Variants in HMCN1 observed in about 807,000 individuals in gnomAD.
The protein encoded by HMCN1 is hemicentin-1.
Under a neutral mutation model 625.9 loss-of-function variants are expected in HMCN1, and 321 were observed. The observed-to-expected ratio is 0.51, with a 90% confidence interval of 0.47 to 0.56. HMCN1 has a LOEUF of 0.56. HMCN1 is among the 20% of genes least tolerant of loss of function. HMCN1 has a pLI of 0.00. For missense variants in HMCN1, 6,588 were observed against 6,887.3 expected (o/e 0.96, Z 1.54); for synonymous variants, 2,425 against 2,417.6 (o/e 1.00, Z -0.09).
chr1:185,824,730 A>C (rs1660404371), intron 1 of HMCN1, among the ~76,000 whole-genome samples: 1 of 152,322 alleles, frequency 6.6e-6, no homozygotes, highest in South Asian at 2.1e-4. Context: ...TTACAGATAA[A>C]GAAACTGAGG....
intron 2 of HMCN1, among the ~76,000 whole-genome samples, chr1:185,862,831 A>G (rs1177340117): frequency 1.3e-5 from 2 of 152,168 alleles, no homozygotes; most frequent in African/African-American, 4.8e-5. Context: ...GCCCCATGCA[A>G]TTAAGAAAGT....
At chr1:186,093,895 T>C (rs538949868) in intron 66 of HMCN1, among the ~76,000 whole-genome samples, 3 of 152,238 alleles carry the variant, frequency 2.0e-5, no homozygotes, top group Admixed American at 6.6e-5. Flanking sequence ...AAATGGTCTT[T>C]TATAGACAGG....
intron 100 of HMCN1, among the ~76,000 whole-genome samples, chr1:186,168,549 C>CA (rs11458695): frequency 0.38 from 57,559 of 151,504 alleles, 11,602 homozygotes; most frequent in African/African-American, 0.5. Flanking sequence ...AAATAGAAAA[C>CA]AGTACACAAT....
At chr1:185,926,653 C>A (rs1667292673) in intron 9 of HMCN1, among the ~76,000 whole-genome samples, 1 of 152,130 alleles carries the variant, frequency 6.6e-6, no homozygotes, top group Non-Finnish European at 1.5e-5. Flanking sequence ...ATGTATTAAG[C>A]TCTTTGGATG....
chr1:185,836,424 C>G (rs1315977137), intron 1 of HMCN1, among the ~76,000 whole-genome samples: 1 of 151,952 alleles, frequency 6.6e-6, no homozygotes, highest in Non-Finnish European at 1.5e-5. Flanking sequence ...ATATACAATT[C>G]TGTGTTTTGC....
intron 40 of HMCN1, among the ~76,000 whole-genome samples, chr1:186,041,679 C>A (rs1334389467): frequency 6.6e-6 from 1 of 152,140 alleles, no homozygotes; most frequent in Non-Finnish European, 1.5e-5. Flanking sequence ...CACAGAAGAG[C>A]CCCAGAAGAA....
chr1:186,023,605 A>G lies in HMCN1; in HGVS notation c.5749+452A>G, dbSNP rs185654574. Among the ~76,000 whole-genome samples the G allele has an allele frequency of 8.9e-4, 136 of 152,286 alleles. 1 individual carries two copies. The highest frequency in any genetic ancestry group is 1.9e-3 in the East Asian group (10 of 5,186). On this transcript the variant is annotated intron_variant, in intron 36 of 106. Coordinates refer to ENST00000271588, the MANE Select transcript of HMCN1 (RefSeq NM_031935.3). ...AGTCTGGGTGGCCACAGAGCACCTC[A>G]ATAAAATCATAGCTTCACAGTAAAC...
chr1:186,116,760 C>T (rs574180833), intron 75 of HMCN1, among the ~76,000 whole-genome samples: 1 of 152,116 alleles, frequency 6.6e-6, no homozygotes, highest in African/African-American at 2.4e-5. Context: ...TCAGACAATC[C>T]TTCCCACAAT....
At chr1:185,979,389 AC>A (rs1317845472) in intron 16 of HMCN1, among the ~76,000 whole-genome samples, 5 of 152,182 alleles carry the variant, frequency 3.3e-5, no homozygotes, top group Non-Finnish European at 5.9e-5. Flanking sequence ...ATGAGAAACA[AC>A]CCAGATGTTG....
chr1:186,174,691 C>T (rs1652450999), intron 103 of HMCN1, 49 bp downstream of exon 103: 1 of 1,595,696 alleles, frequency 6.3e-7, no homozygotes. Context: ...ATGTAGTTAC[C>T]TAGCCTTACC....
rs550277800 is a variant in HMCN1 at position 185,999,761 on chromosome 1, G to T, written c.3875-284G>T. 2.0e-5 allele frequency among the ~76,000 whole-genome samples: 3 copies of T among 152,100 alleles called. No individual in the cohort carries two copies. The East Asian group carries it at 5.8e-4, about 29-fold the overall frequency. On this transcript the variant is annotated intron_variant, in intron 25 of 106. Coordinates refer to ENST00000271588, the MANE Select transcript of HMCN1 (RefSeq NM_031935.3). ...TCCTGCCCTGCCAACAAATCACTGT[G>T]AACTCACTAGGAAAATGCTTTACTT... is the stretch of plus-strand genomic sequence containing the variant.
chr1:185,919,089 A>G (rs1666874034), intron 6 of HMCN1, among the ~76,000 whole-genome samples: 1 of 151,340 alleles, frequency 6.6e-6, no homozygotes. Context: ...ATATATATAT[A>G]TAATTTTATT....
intron 71 of HMCN1, among the ~76,000 whole-genome samples, chr1:186,109,493 A>C (rs1660778959): frequency 6.6e-6 from 1 of 152,212 alleles, no homozygotes; most frequent in Non-Finnish European, 1.5e-5. Flanking sequence ...CAAAGAGCTC[A>C]CTCACTATCT....
intron 11 of HMCN1, among the ~76,000 whole-genome samples, chr1:185,944,658 C>G (rs1049405147): frequency 1.3e-5 from 2 of 152,144 alleles, no homozygotes; most frequent in African/African-American, 4.8e-5. Flanking sequence ...GGTAGAGTAG[C>G]TGCTAAGGAG....
At chr1:185,963,080 C>T (rs1259303288) in intron 12 of HMCN1, among the ~76,000 whole-genome samples, 4 of 152,136 alleles carry the variant, frequency 2.6e-5, no homozygotes, top group Non-Finnish European at 5.9e-5. Context: ...TTCAGACATT[C>T]TTTGTCATTA....
chr1:185,932,480 G>T (rs1239815115), intron 10 of HMCN1, among the ~76,000 whole-genome samples: 1 of 152,098 alleles, frequency 6.6e-6, no homozygotes, highest in Non-Finnish European at 1.5e-5. Context: ...TTTCTAGCTA[G>T]CATAGATCAC....
chr1:185,995,922 C>CTA (rs1652755028), intron 24 of HMCN1, among the ~76,000 whole-genome samples: 2 of 152,112 alleles, frequency 1.3e-5, no homozygotes, highest in Non-Finnish European at 2.9e-5. Context: ...GTTCTTAGCG[C>CTA]TGTACTGAGT....
chr1:185,923,442 A>C lies in HMCN1; in HGVS notation c.1074A>C (p.Arg358Ser), dbSNP rs747164340. The C allele has an allele frequency of 6.2e-7, 1 of 1,610,882 alleles. No individual in the cohort carries two copies. Among genetic ancestry groups the C allele is most frequent in the Non-Finnish European group, 8.5e-7 (1 of 1,177,408 alleles). ...CTTCTGGAATTTCCACTCCAGCTAGAATAGATCTTCTTGAACTTTTGAGTA... is the reference window on the plus strand; with the variant it reads ...CTTCTGGAATTTCCACTCCAGCTAGCATAGATCTTCTTGAACTTTTGAGTA... The part of the protein sequence containing the change: ...LNTSGISTPA[R>S]IDLLELLSIS... Residue 358 changes from arginine (R) to serine (S), a missense_variant, in exon 8 of 107, where the codon AGA becomes AGC. Transcript: ENST00000271588.
chr1:186,052,866 A>C, intron 42 of HMCN1, 86 bp from the exon 43 acceptor site: 1 of 1,138,026 alleles, frequency 8.8e-7, no homozygotes, highest in Non-Finnish European at 1.3e-6. Context: ...ATGTCATTTG[A>C]GTAGAAGCCT....
Sources: gnomAD v4.1 joint callset for allele counts (sites outside exome capture counted in the v4.1 genomes callset) on GRCh38, gnomAD v4.1.1 for gene constraint, MANE v1.5 for transcripts, NCBI Gene and HGNC (gene_info 2026-07-23, HGNC 2026-07-21) for gene names.